PPP4R4: variants seen among roughly 807,000 people sequenced by gnomAD.
The protein encoded by PPP4R4 is serine/threonine-protein phosphatase 4 regulatory subunit 4.
A neutral mutation model predicts 121.8 loss-of-function variants in PPP4R4; 70 were observed. That is an observed-to-expected ratio of 0.57 (90% CI 0.47 to 0.70). The LOEUF is 0.70. PPP4R4 is among the 30% of genes least tolerant of loss of function. The pLI is 0.00. For missense variants in PPP4R4, 875 were observed against 1,033.6 expected (o/e 0.85, Z 2.10); for synonymous variants, 348 against 355.7 (o/e 0.98, Z 0.24).
chr14:94,190,006 C>A (rs1567106143), intron 2 of PPP4R4, among the ~76,000 whole-genome samples: 1 of 151,848 alleles, frequency 6.6e-6, no homozygotes. Context: ...ATACTTGTCA[C>A]CCCTTCTTCC....
At chr14:94,254,755 A>G (rs768374317) in intron 16 of PPP4R4, among the ~76,000 whole-genome samples, 3 of 152,224 alleles carry the variant, frequency 2.0e-5, no homozygotes, top group African/African-American at 7.2e-5. Flanking sequence ...TAAAACAGCC[A>G]TGGAAAAAGA....
chr14:94,265,732 G>A, intron 21 of PPP4R4, 62 bp from the exon 22 acceptor site: 2 of 1,204,874 alleles, frequency 1.7e-6, no homozygotes, highest in Non-Finnish European at 2.4e-6. Context: ...GGGAGGGAAT[G>A]GGGGTTGGAG....
chr14:94,227,217 G>A lies in PPP4R4; in HGVS notation c.295-3370G>A, dbSNP rs540453469. On this transcript the variant is annotated intron_variant, in intron 3 of 24. Coordinates refer to ENST00000304338, the MANE Select transcript of PPP4R4 (RefSeq NM_058237.2). ...TGCCAGCCGTACAATAGTAATGTAA[G>A]AGGAATGGTAACTGGCTTAAGGCAT... is the stretch of plus-strand genomic sequence containing the variant. The A allele has an allele frequency of 6.4e-6, 8 of 1,254,676 alleles. No individual in the cohort carries two copies. The East Asian group carries it at 1.7e-4, about 26-fold the overall frequency. 77.7% of individuals were successfully genotyped at this position (1,254,676 alleles called of 1,614,324 possible). A position where few individuals can be genotyped will look rare whatever the true frequency, so the allele number is the denominator to read the frequency against.
intron 3 of PPP4R4, among the ~76,000 whole-genome samples, chr14:94,225,986 C>A (rs890497769): frequency 6.6e-6 from 1 of 152,030 alleles, no homozygotes; most frequent in Admixed American, 6.6e-5. Context: ...TATAGTGAAT[C>A]ATTCAGAAGG....
At position 94,181,966 on chromosome 14, in the gene PPP4R4, CAG is replaced by C. The variant is rs1889016202; in HGVS notation, c.191+5844_191+5845del. ...TGAGAGTGGAATTCTGTGGGCTTTCCAGAGAGTAGCCTATTAGCGACGAGCTT... is the reference window on the plus strand; with the variant it reads ...TGAGAGTGGAATTCTGTGGGCTTTCCAGAGTAGCCTATTAGCGACGAGCTT... On this transcript the variant is annotated intron_variant, in intron 2 of 24. Coordinates refer to ENST00000304338, the MANE Select transcript of PPP4R4 (RefSeq NM_058237.2). Among the ~76,000 whole-genome samples the C allele has an allele frequency of 4.6e-5, 7 of 152,264 alleles. No individual in the cohort carries two copies. The South Asian group carries it at 1.5e-3, about 32-fold the overall frequency.
intron 1 of PPP4R4, among the ~76,000 whole-genome samples, chr14:94,174,843 G>A (rs1054488338): frequency 1.3e-5 from 2 of 151,800 alleles, no homozygotes; most frequent in Non-Finnish European, 2.9e-5. Context: ...CCCAGCCCCG[G>A]ACCGGCGCCA....
chr14:94,234,558 T>G lies in PPP4R4; in HGVS notation c.624-4T>G. On this transcript the variant is annotated splice_region_variant and splice_polypyrimidine_tract_variant and intron_variant, in intron 6 of 24. Coordinates refer to ENST00000304338, the MANE Select transcript of PPP4R4 (RefSeq NM_058237.2). ...TTGCATGTTTCTTTTCTCCCCACCT[T>G]CAGCATTAAGCGAGAAATACTTCCT... 2 of 1,551,578 alleles carry G rather than the reference T, an allele frequency of 1.3e-6. No individual in the cohort carries two copies. The highest frequency in any genetic ancestry group is 1.8e-6 in the Non-Finnish European group (2 of 1,125,714).
At position 94,230,581 on chromosome 14, in the gene PPP4R4, A is replaced by T; in HGVS notation, c.295-6A>T. ...TGTAAATAGCAAACTCTTTCTGATT[A>T]TACAGGAAGCCCTGCATGTTGCAGG... On this transcript the variant is annotated splice_polypyrimidine_tract_variant and splice_region_variant and intron_variant, in intron 3 of 24. Coordinates refer to ENST00000304338, the MANE Select transcript of PPP4R4 (RefSeq NM_058237.2). 1 of 1,606,866 alleles carries T rather than the reference A, an allele frequency of 6.2e-7. No homozygotes were observed. Among genetic ancestry groups the T allele is most frequent in the Non-Finnish European group, 8.5e-7 (1 of 1,175,290 alleles).
intron 14 of PPP4R4, among the ~76,000 whole-genome samples, chr14:94,248,928 ACT>A (rs1268276496): frequency 6.6e-6 from 1 of 151,516 alleles, no homozygotes; most frequent in East Asian, 2.0e-4. Context: ...TTTAATGTTG[ACT>A]CTCTTTTAGA....
intron 23 of PPP4R4, among the ~76,000 whole-genome samples, chr14:94,273,430 AATG>A (rs1459259991): frequency 1.3e-5 from 2 of 152,176 alleles, no homozygotes; most frequent in African/African-American, 2.4e-5. Flanking sequence ...GAGACAGTAA[AATG>A]ATAAGTAGTT....
At chr14:94,216,841 C>A (rs145674361) in intron 3 of PPP4R4, among the ~76,000 whole-genome samples, 18 of 152,182 alleles carry the variant, frequency 1.2e-4, no homozygotes, top group Admixed American at 1.2e-3. Flanking sequence ...ATGCAAAGAT[C>A]ACTTACTTCT....
intron 23 of PPP4R4, among the ~76,000 whole-genome samples, chr14:94,269,902 G>A (rs956157010): frequency 2.0e-5 from 3 of 152,144 alleles, no homozygotes. Context: ...TAGTATCCTG[G>A]ATGGGATCCT....
chr14:94,265,310 T>C, intron 20 of PPP4R4, 77 bp from the exon 21 acceptor site: 1 of 1,024,644 alleles, frequency 9.8e-7, no homozygotes, highest in Non-Finnish European at 1.5e-6. Context: ...TCATATTGTC[T>C]GAGTTGTCTT....
chr14:94,220,824 C>G (rs184385898), intron 3 of PPP4R4, among the ~76,000 whole-genome samples: 6 of 151,996 alleles, frequency 3.9e-5, no homozygotes, highest in Non-Finnish European at 7.4e-5. Context: ...CAGATCAATG[C>G]GTATATTTAA....
intron 2 of PPP4R4, among the ~76,000 whole-genome samples, chr14:94,206,473 A>G (rs1387842384): frequency 1.3e-5 from 2 of 151,954 alleles, no homozygotes; most frequent in East Asian, 3.8e-4. Context: ...AATTGTTGAT[A>G]TTTTAAGGCT....
At chr14:94,209,982 A>G (rs1220174799) in intron 3 of PPP4R4, among the ~76,000 whole-genome samples, 2 of 152,048 alleles carry the variant, frequency 1.3e-5, no homozygotes, top group Non-Finnish European at 2.9e-5. Context: ...GTTCACAATA[A>G]AGGAAGTTAA....
chr14:94,178,400 A>T (rs748032682), intron 2 of PPP4R4, among the ~76,000 whole-genome samples: 26 of 150,016 alleles, frequency 1.7e-4, no homozygotes, highest in African/African-American at 1.2e-4. Flanking sequence ...TTGTTTCTTT[A>T]GTTCTTTTAT....
intron 2 of PPP4R4, among the ~76,000 whole-genome samples, chr14:94,193,927 A>G (rs1331997739): frequency 6.6e-6 from 1 of 152,214 alleles, no homozygotes; most frequent in Non-Finnish European, 1.5e-5. Flanking sequence ...TTTGGGTAAA[A>G]CATCCTTGGA....
At position 94,237,693 on chromosome 14, in the gene PPP4R4, CAT is replaced by C. The variant is rs756099755; in HGVS notation, c.853+8_853+9del. ...CTTGATATATTTGATACAGGTAAAT[CAT>C]GTGGCTACATCTTTGCTTCTGAAAA... On this transcript the variant is annotated splice_region_variant and intron_variant, in intron 8 of 24. Transcript: ENST00000304338. 15 of 1,610,886 alleles carry C rather than the reference CAT, an allele frequency of 9.3e-6. No homozygotes were observed. The African/African-American group carries it at 1.6e-4, about 17-fold the overall frequency.
Sources: gnomAD v4.1 joint callset for allele counts (sites outside exome capture counted in the v4.1 genomes callset) on GRCh38, gnomAD v4.1.1 for gene constraint, MANE v1.5 for transcripts, NCBI Gene and HGNC (gene_info 2026-07-23, HGNC 2026-07-21) for gene names.